Variants in SENP3 observed in about 807,000 individuals in gnomAD.
The protein encoded by SENP3 is sentrin-specific protease 3.
Under a neutral mutation model 66.2 loss-of-function variants are expected in SENP3, and 11 were observed. The ratio of observed to expected loss-of-function variants is 0.17; its 90% CI spans 0.10 to 0.28. The LOEUF (loss-of-function observed/expected upper bound fraction) is 0.28. SENP3 is among the 10% of genes least tolerant of loss of function. The probability of loss-of-function intolerance (pLI) is 1.00; values close to 1 mark genes in which losing one functional copy is unlikely to be tolerated. For missense variants in SENP3, 548 were observed against 743.7 expected, an observed-to-expected ratio of 0.74 and a Z score of 3.06; for synonymous variants, 292 against 277.6, an observed-to-expected ratio of 1.05 and a Z score of -0.52.
rs148692440 is a variant in SENP3, at chr17:7,567,769, T to C, written c.1341+765T>C. Among the ~76,000 whole-genome samples the C allele has an allele frequency of 1.5e-3, 226 of 151,930 alleles. 3 individuals carry two copies. The highest frequency in any genetic ancestry group is 0.011 in the Admixed American group (163 of 15,260). ...ATGGATACAAAATTCGGTCAGAGAG[T>C]AGATCATGTAAGACATGTACGGTAG... On this transcript the variant is annotated intron_variant, in intron 7 of 10. Transcript: ENST00000321337.
At chr17:7,564,374 A>G (rs1011957067) in intron 2 of SENP3, 2 of 656,088 alleles carry the variant, frequency 3.0e-6, no homozygotes. Context: ...TTTCATTTCT[A>G]AATGCTAATC....
chr17:7,565,131 C>T lies in SENP3; in HGVS notation c.1067+61C>T, dbSNP rs1352738216. The T allele has an allele frequency of 8.0e-6, 10 of 1,250,800 alleles. No homozygotes were observed. The East Asian group carries it at 1.7e-4, about 21-fold the overall frequency. The allele number at this position is 1,250,800 out of a possible 1,614,324, so 77.5% of individuals were successfully genotyped here. On this transcript the variant is annotated intron_variant, in intron 4 of 10. Coordinates refer to ENST00000321337, the MANE Select transcript of SENP3 (RefSeq NM_015670.6). ...GGGCCTTGGGGATGTGGAGAGAATA[C>T]TGCTGCCTTTTCTTCCATAGGGCTG...
chr17:7,568,337 C>G (rs548111420), intron 7 of SENP3, among the ~76,000 whole-genome samples: 6 of 152,374 alleles, frequency 3.9e-5, no homozygotes, highest in African/African-American at 1.4e-4. Flanking sequence ...GCGGCTCACG[C>G]CTGTACTCCC....
At position 7,563,406 on chromosome 17, in the gene SENP3, G is replaced by GGGGCCC; in HGVS notation, c.330_331insGGGCCC (p.Arg110_Pro111insGlyPro). On this transcript the variant is annotated inframe_insertion, in exon 2 of 11. Coordinates refer to ENST00000321337, the MANE Select transcript of SENP3 (RefSeq NM_015670.6). The stretch of plus-strand genomic sequence containing the variant: ...GGAGTCAGCTGGGAACCTCCCAGCG[G>GGGGCCC]CCCCGCCCTTCCCGCCCCACTCATC... 1.3e-6 allele frequency: 2 copies of GGGGCCC among 1,547,512 alleles called. No homozygotes were observed. The highest frequency in any genetic ancestry group is 1.7e-6 in the Non-Finnish European group (2 of 1,144,018).
chr17:7,571,498 ACC>A lies in SENP3; in HGVS notation c.*18_*19del. The A allele has an allele frequency of 6.3e-7, 1 of 1,593,772 alleles. No homozygotes were observed. The highest frequency in any genetic ancestry group is 8.6e-7 in the Non-Finnish European group (1 of 1,162,612). ...TCACTGTGTGAGCCTCGTACCCCAG[ACC>A]CCAAGCCCATAAATGGGAAGGGAGA... On this transcript the variant is annotated 3_prime_UTR_variant, in exon 11 of 11. Coordinates refer to ENST00000321337, the MANE Select transcript of SENP3 (RefSeq NM_015670.6).
Position 7,571,003 on chromosome 17 carries a change from T to C in SENP3, c.1614+70T>C, listed in dbSNP as rs918398243. On this transcript the variant is annotated intron_variant, in intron 10 of 10. Transcript: ENST00000321337. The stretch of plus-strand genomic sequence containing the variant: ...GGGTTAAAGGGTCGGGAGGCTGTTA[T>C]GCATCCCCTCATTTGGCTCATAGTC... 6.0e-6 allele frequency: 8 copies of C among 1,340,550 alleles called. No individual in the cohort carries two copies. The Admixed American group carries it at 6.0e-5, about 10-fold the overall frequency. 83.0% of individuals were successfully genotyped at this position (1,340,550 alleles called of 1,614,324 possible). A position where few individuals can be genotyped will look rare whatever the true frequency, so the allele number is the denominator to read the frequency against.
In SENP3 at chr17:7,562,953, TTCC is replaced by T. The variant is rs548176995; in HGVS notation, c.-11-110_-11-108del. 2.2e-3 allele frequency: 2,907 copies of T among 1,313,638 alleles called. 4 individuals carry two copies. The highest frequency in any genetic ancestry group is 2.6e-3 in the Non-Finnish European group (2,686 of 1,034,144). The allele number at this position is 1,313,638 out of a possible 1,614,324, so 81.4% of individuals were successfully genotyped here. A position where few individuals can be genotyped will look rare whatever the true frequency, so the allele number is the denominator to read the frequency against. The stretch of plus-strand genomic sequence containing the variant: ...TCTTAAGTTAGGAGTTTTGCGTTTT[TTCC>T]TCTTTTCTTTATTTGCATCTGAATC... On this transcript the variant is annotated intron_variant, in intron 1 of 10. Coordinates refer to ENST00000321337, the MANE Select transcript of SENP3 (RefSeq NM_015670.6). This position sits in a 1 kb window ranked among gnomAD's most constrained non-coding sequence, Gnocchi z 5.0.
At chr17:7,564,294 T>C (rs2150918950) in intron 2 of SENP3, 2 of 445,952 alleles carry the variant, frequency 4.5e-6, no homozygotes, top group Middle Eastern at 3.5e-4. Context: ...CTAGTATTCA[T>C]TGAGCCTTTA....
intron 7 of SENP3, among the ~76,000 whole-genome samples, chr17:7,568,572 G>C (rs2071286028): frequency 6.6e-6 from 1 of 152,096 alleles, no homozygotes; most frequent in South Asian, 2.1e-4. Flanking sequence ...CTGGGTGACA[G>C]AGTGAAACTC....
At position 7,570,573 on chromosome 17, in the gene SENP3, G is replaced by T; in HGVS notation, c.1479+80G>T. 1 of 1,570,520 alleles carries T rather than the reference G, an allele frequency of 6.4e-7. No homozygotes were observed. The highest frequency in any genetic ancestry group is 8.7e-7 in the Non-Finnish European group (1 of 1,155,126). ...CATTGCAGGAAGAAGGGTGGGCTTT[G>T]GGTCTTTGAGGGGCGACCTGGGCAT... is the stretch of plus-strand genomic sequence containing the variant. On this transcript the variant is annotated intron_variant, in intron 8 of 10. Transcript: ENST00000321337. The surrounding 1 kb of genome is among the most constrained non-coding windows in gnomAD (Gnocchi z 5.4).
In SENP3 at chr17:7,570,012, C is replaced by T. The variant is rs532223537; in HGVS notation, c.1342-344C>T. Among the ~76,000 whole-genome samples, 4 of 152,284 alleles carry T rather than the reference C, an allele frequency of 2.6e-5. No individual in the cohort carries two copies. In the South Asian group the frequency reaches 8.3e-4, roughly 32 times the overall value. On this transcript the variant is annotated intron_variant, in intron 7 of 10. Transcript: ENST00000321337. The surrounding 1 kb of genome is among the most constrained non-coding windows in gnomAD (Gnocchi z 5.4). ...GGTTATTAAGTAGGTTGCCCACTGT[C>T]ATAAGCCAGTAAATGGAGGAGCTGT...
chr17:7,569,644 C>A (rs2071296579), intron 7 of SENP3, among the ~76,000 whole-genome samples: 1 of 152,202 alleles, frequency 6.6e-6, no homozygotes, highest in South Asian at 2.1e-4. Flanking sequence ...CAAGAGCTTA[C>A]ACCCTCAGGG....
rs1375853383 is a variant in SENP3, at chr17:7,568,329, G to A, written c.1341+1325G>A. Among the ~76,000 whole-genome samples, 9 of 152,232 alleles carry A rather than the reference G, an allele frequency of 5.9e-5. No individual in the cohort carries two copies. In the South Asian group the frequency reaches 1.2e-3, roughly 21 times the overall value. On this transcript the variant is annotated intron_variant, in intron 7 of 10. Coordinates refer to ENST00000321337, the MANE Select transcript of SENP3 (RefSeq NM_015670.6). ...AAACCGGAAAGGGGCCGGGTGCGGC[G>A]GCTCACGCCTGTACTCCCGGCACTT...
At chr17:7,565,801 TTCTGCAGTTTTAAG>T (rs781041027) in intron 6 of SENP3, 37 bp downstream of exon 6, 3 of 1,598,430 alleles carry the variant, frequency 1.9e-6, no homozygotes, top group Non-Finnish European at 2.6e-6. Context: ...CCAGAGGAAC[TTCTGCAGTTTTAAG>T]CAGCTTTTTA....
In SENP3 at chr17:7,562,934, G is replaced by C; in HGVS notation, c.-11-132G>C. The C allele has an allele frequency of 1.5e-6, 2 of 1,295,798 alleles. No homozygotes were observed. Among genetic ancestry groups the C allele is most frequent in the Non-Finnish European group, 2.0e-6 (2 of 1,019,136 alleles). The allele number at this position is 1,295,798 out of a possible 1,614,324, so 80.3% of individuals were successfully genotyped here. The stretch of plus-strand genomic sequence containing the variant: ...ACCGCGTTAACCGGGAAGATCTTAA[G>C]TTAGGAGTTTTGCGTTTTTTCCTCT... On this transcript the variant is annotated intron_variant, in intron 1 of 10. Coordinates refer to ENST00000321337, the MANE Select transcript of SENP3 (RefSeq NM_015670.6). The surrounding 1 kb of genome is among the most constrained non-coding windows in gnomAD (Gnocchi z 5.0).
intron 2 of SENP3, among the ~76,000 whole-genome samples, chr17:7,564,094 G>A (rs548029043): frequency 1.3e-5 from 2 of 152,246 alleles, no homozygotes; most frequent in South Asian, 2.1e-4. Flanking sequence ...CTGTCCACAC[G>A]AAATCCCTTG....
chr17:7,566,638 C>T (rs973839925), intron 6 of SENP3, among the ~76,000 whole-genome samples: 5 of 146,940 alleles, frequency 3.4e-5, no homozygotes, highest in Admixed American at 6.8e-5. Context: ...TGCACTCCAG[C>T]GTGGGCGACA....
Position 7,563,316 on chromosome 17 carries a change from AGAG to A in SENP3, c.255_257del (p.Glu85del), listed in dbSNP as rs768648307. On this transcript the variant is annotated inframe_deletion, in exon 2 of 11. Transcript: ENST00000321337. Reference sequence around the variant, plus strand: ...CCTCAGCAAGTGAAGAGGAGGAAGAAGAGGAGGAGGAGGAGGATGAAGATGAAG... The same window carrying A: ...CCTCAGCAAGTGAAGAGGAGGAAGAAGAGGAGGAGGAGGATGAAGATGAAG... 2.5e-4 allele frequency: 385 copies of A among 1,552,374 alleles called. 1 individual carries two copies. The highest frequency in any genetic ancestry group is 1.9e-3 in the South Asian group (157 of 84,130).
In SENP3 at chr17:7,570,969, A is replaced by T; in HGVS notation, c.1614+36A>T. The T allele has an allele frequency of 1.3e-6, 2 of 1,596,264 alleles. No individual in the cohort carries two copies. Among genetic ancestry groups the T allele is most frequent in the South Asian group, 1.1e-5 (1 of 89,450 alleles). On this transcript the variant is annotated intron_variant, in intron 10 of 10. Coordinates refer to ENST00000321337, the MANE Select transcript of SENP3 (RefSeq NM_015670.6). This position sits in a 1 kb window ranked among gnomAD's most constrained non-coding sequence, Gnocchi z 5.4. ...GATGGGGCCACCTCCCCTAGCTCTG[A>T]AGTCAGTTGGGTTAAAGGGTCGGGA...
Sources: gnomAD v4.1 joint callset for allele counts (sites outside exome capture counted in the v4.1 genomes callset) on GRCh38, gnomAD v4.1.1 for gene constraint, Gnocchi (gnomAD v3.1) non-coding constraint, MANE v1.5 for transcripts, NCBI Gene and HGNC (gene_info 2026-07-23, HGNC 2026-07-21) for gene names.